DHX15: variants seen among roughly 807,000 people sequenced by gnomAD.
DHX15 encodes the protein DEAH-box helicase 15.
Under a neutral mutation model 94.4 loss-of-function variants are expected in DHX15, and 11 were observed. The observed-to-expected ratio is 0.12, with a 90% CI of 0.07 to 0.19. The LOEUF is 0.19. DHX15 is among the 10% of genes least tolerant of loss of function. The pLI, the probability that DHX15 is intolerant of heterozygous loss-of-function variation, is 1.00. For missense variants in DHX15, 304 were observed against 988.5 expected (o/e 0.31, Z 9.29); for synonymous variants, 338 against 329.9 (o/e 1.02, Z -0.27).
chr4:24,540,972 T>C (rs2109396261), intron 8 of DHX15, 24 bp from the exon 9 acceptor site: 2 of 1,440,336 alleles, frequency 1.4e-6, no homozygotes, highest in East Asian at 2.3e-5. Flanking sequence ...AAAACATTTA[T>C]TGGTTATGTT....
chr4:24,544,080 C>T (rs1436960757), intron 6 of DHX15, among the ~76,000 whole-genome samples: 1 of 151,918 alleles, frequency 6.6e-6, no homozygotes, highest in South Asian at 2.1e-4. Flanking sequence ...AGGTTAAGAC[C>T]TACTCATGAG....
At chr4:24,534,330 T>C (rs895781205) in intron 11 of DHX15, 1 of 152,092 alleles carries the variant, frequency 6.6e-6, no homozygotes, top group African/African-American at 2.4e-5. Flanking sequence ...TTTGAAAAGG[T>C]TGTTGATTTG....
chr4:24,575,719 G>A (rs6836032), intron 2 of DHX15, among the ~76,000 whole-genome samples: 8,147 of 151,916 alleles, frequency 0.054, 334 homozygotes, highest in African/African-American at 0.11. Flanking sequence ...TATCAACAGG[G>A]GTCTAGTTAA....
At chr4:24,575,433 A>G (rs1361661078) in intron 2 of DHX15, among the ~76,000 whole-genome samples, 3 of 152,220 alleles carry the variant, frequency 2.0e-5, no homozygotes, top group Admixed American at 6.5e-5. Context: ...TTAAGTGTAT[A>G]AAGACAGTTA....
At chr4:24,551,638 T>C (rs1048985665) in intron 5 of DHX15, among the ~76,000 whole-genome samples, 1 of 152,136 alleles carries the variant, frequency 6.6e-6, no homozygotes, top group Non-Finnish European at 1.5e-5. Context: ...TTTTTGAAAA[T>C]ACTGCTTTCA....
At chr4:24,536,773 G>T (rs1721207854) in intron 11 of DHX15, among the ~76,000 whole-genome samples, 1 of 152,092 alleles carries the variant, frequency 6.6e-6, no homozygotes, top group Non-Finnish European at 1.5e-5. Flanking sequence ...ATAAAAACGT[G>T]TATGTTAGTG....
At chr4:24,570,459 C>T (rs1285130876) in intron 3 of DHX15, among the ~76,000 whole-genome samples, 195 bp downstream of exon 3, 2 of 152,084 alleles carry the variant, frequency 1.3e-5, no homozygotes, top group South Asian at 4.1e-4. Flanking sequence ...GACCTTTGAA[C>T]TTCAATTTCT....
intron 2 of DHX15, among the ~76,000 whole-genome samples, chr4:24,574,125 G>A (rs1330304423): frequency 7.0e-6 from 1 of 143,138 alleles, no homozygotes; most frequent in Non-Finnish European, 1.5e-5. Context: ...AGAATCACTT[G>A]AACCCAGGAG....
At chr4:24,535,635 C>T (rs1357948412) in intron 11 of DHX15, among the ~76,000 whole-genome samples, 1 of 152,184 alleles carries the variant, frequency 6.6e-6, no homozygotes, top group East Asian at 1.9e-4. Context: ...CAGAGAAGGG[C>T]TCCATTCTTT....
At chr4:24,531,104 T>C (rs1721074935) in intron 12 of DHX15, among the ~76,000 whole-genome samples, 1 of 151,990 alleles carries the variant, frequency 6.6e-6, no homozygotes, top group Non-Finnish European at 1.5e-5. Flanking sequence ...TTTTTTTTTT[T>C]TTGAGACGGA....
chr4:24,551,155 A>T (rs1311525990), intron 5 of DHX15, among the ~76,000 whole-genome samples: 1 of 152,242 alleles, frequency 6.6e-6, no homozygotes. Context: ...AAAGGAACTT[A>T]AAAATGGAAG....
intron 3 of DHX15, among the ~76,000 whole-genome samples, chr4:24,565,712 G>A (rs1207776166): frequency 6.6e-6 from 1 of 151,958 alleles, no homozygotes; most frequent in Non-Finnish European, 1.5e-5. Context: ...TGGGTTAACT[G>A]GTTAAAAAGA....
intron 3 of DHX15, among the ~76,000 whole-genome samples, chr4:24,562,253 C>A (rs1305382842): frequency 1.3e-5 from 2 of 151,542 alleles, no homozygotes. Flanking sequence ...AATAAAGCAA[C>A]CTGAAAAAGG....
At chr4:24,559,424 T>G (rs1721815955) in intron 3 of DHX15, among the ~76,000 whole-genome samples, 1 of 148,974 alleles carries the variant, frequency 6.7e-6, no homozygotes, top group Non-Finnish European at 1.5e-5. Context: ...TTTGCTATAC[T>G]GTTAAATGTA....
At chr4:24,562,782 T>C (rs1721912058) in intron 3 of DHX15, among the ~76,000 whole-genome samples, 3 of 152,196 alleles carry the variant, frequency 2.0e-5, no homozygotes, top group South Asian at 2.1e-4. Flanking sequence ...GTCATATATA[T>C]GAACACCAAG....
At chr4:24,534,028 T>A (rs1721144041) in intron 11 of DHX15, 1 of 152,238 alleles carries the variant, frequency 6.6e-6, no homozygotes. Context: ...AGTACATTTT[T>A]ATCCATTACA....
chr4:24,547,915 A>ATC (rs1417329121), intron 6 of DHX15, among the ~76,000 whole-genome samples: 14,784 of 53,714 alleles, frequency 0.28, 1,293 homozygotes, highest in Middle Eastern at 0.4. Context: ...ATATATATAT[A>ATC]TATATATATA....
At chr4:24,542,145 T>A in intron 7 of DHX15, 123 bp from the exon 8 acceptor site, 1 of 801,628 alleles carries the variant, frequency 1.2e-6, no homozygotes, top group East Asian at 2.8e-5. Flanking sequence ...TAGCCATAAA[T>A]CATGCTGCTA....
At chr4:24,570,332 A>C (rs1034030697) in intron 3 of DHX15, among the ~76,000 whole-genome samples, 9 of 152,178 alleles carry the variant, frequency 5.9e-5, no homozygotes, top group African/African-American at 2.2e-4. Context: ...TAAGTAAGAC[A>C]TATCACTTTC....
Sources: gnomAD v4.1 joint callset for allele counts (sites outside exome capture counted in the v4.1 genomes callset) on GRCh38, gnomAD v4.1.1 for gene constraint, MANE v1.5 for transcripts, NCBI Gene and HGNC (gene_info 2026-07-23, HGNC 2026-07-21) for gene names.